Variants in MMP26 observed in about 807,000 individuals in gnomAD.
MMP26 encodes matrix metallopeptidase 26.
In MMP26, 33 loss-of-function variants were observed where a neutral mutation model predicts 31.0. The ratio of observed to expected loss-of-function variants is 1.06; its 90% CI spans 0.81 to 1.42. MMP26 has a LOEUF of 1.42. Among genes scored for constraint, MMP26 ranks in the 40% most tolerant of loss-of-function variants. The probability of loss-of-function intolerance (pLI) is 0.00; values close to 1 mark genes in which losing one functional copy is unlikely to be tolerated. For missense variants in MMP26, 347 were observed against 316.1 expected (o/e 1.10, Z -0.74); for synonymous variants, 122 against 114.9 (o/e 1.06, Z -0.40).
chr11:4,924,263 T>C (rs1252037325), intron 2 of MMP26: 3 of 1,614,168 alleles, frequency 1.9e-6, no homozygotes, highest in South Asian at 1.1e-5. Context: ...GATCCAGCCA[T>C]GGAGACCTTC....
rs112941014 is a variant in MMP26, at chr11:4,811,261, T to C, written c.-145+43920T>C. On this transcript the variant is annotated intron_variant, in intron 2 of 7. Transcript: ENST00000380390. Reference sequence around the variant, plus strand: ...CTATGCCAGTTTGTTACAGGGCAAATTGCATGTCACAGGGGTTTGGTGTAC... The same window carrying C: ...CTATGCCAGTTTGTTACAGGGCAAACTGCATGTCACAGGGGTTTGGTGTAC... Among the ~76,000 whole-genome samples the C allele has an allele frequency of 4.3e-3, 649 of 152,316 alleles. 8 individuals carry two copies. Among genetic ancestry groups the C allele is most frequent in the African/African-American group, 0.015 (607 of 41,574 alleles).
chr11:4,844,194 A>G (rs1030103157), intron 2 of MMP26, among the ~76,000 whole-genome samples: 1 of 152,192 alleles, frequency 6.6e-6, no homozygotes, highest in South Asian at 2.1e-4. Context: ...TCCTAGATGC[A>G]TACACCCTAC....
At chr11:4,769,087 C>A (rs748142807) in intron 2 of MMP26, 1 of 1,585,674 alleles carries the variant, frequency 6.3e-7, no homozygotes, top group Non-Finnish European at 8.6e-7. Context: ...CATTAGCCAT[C>A]ACTGAATGGA....
At chr11:4,732,006 A>G (rs969802825) in intron 1 of MMP26, among the ~76,000 whole-genome samples, 20 of 152,270 alleles carry the variant, frequency 1.3e-4, no homozygotes, top group African/African-American at 4.6e-4. Context: ...GAAACCACCC[A>G]CATTCATTCT....
At chr11:4,854,123 G>GCT (rs1037654120) in intron 2 of MMP26, among the ~76,000 whole-genome samples, 16 of 152,322 alleles carry the variant, frequency 1.1e-4, no homozygotes, top group Admixed American at 4.6e-4. Flanking sequence ...AATAGGAACA[G>GCT]CTCCAGTCTA....
chr11:4,924,689 A>C (rs1379160291), intron 2 of MMP26, among the ~76,000 whole-genome samples: 1 of 152,238 alleles, frequency 6.6e-6, no homozygotes, highest in Admixed American at 6.5e-5. Context: ...ATAGCAGGGC[A>C]GTTAAGCCAG....
At position 4,992,117 on chromosome 11, in the gene MMP26, A is replaced by G; in HGVS notation, c.749A>G (p.His250Arg). The change falls in exon 7 of 8, where the codon CAT (histidine) becomes CGT (arginine). Residue 250 changes from histidine (H) to arginine (R), a missense_variant. Transcript: ENST00000380390. ...LSADDIQRIQHLYGEKCSSDI... is the reference protein window; with the variant it reads ...LSADDIQRIQRLYGEKCSSDI... ...GCCGATGATATCCAAAGGATCCAGC[A>G]TTTGTATGGTCTGTGCTGCTTAAGG... The G allele has an allele frequency of 6.2e-7, 1 of 1,613,162 alleles. No individual in the cohort carries two copies. Among genetic ancestry groups the G allele is most frequent in the Non-Finnish European group, 8.5e-7 (1 of 1,179,734 alleles).
At chr11:4,726,318 C>T (rs1242568877) in intron 1 of MMP26, among the ~76,000 whole-genome samples, 1 of 151,890 alleles carries the variant, frequency 6.6e-6, no homozygotes, top group Non-Finnish European at 1.5e-5. Flanking sequence ...ACAAAATTAG[C>T]CAGGTGTGGT....
At chr11:4,873,805 T>G (rs1389304594) in intron 2 of MMP26, among the ~76,000 whole-genome samples, 1 of 152,084 alleles carries the variant, frequency 6.6e-6, no homozygotes, top group East Asian at 1.9e-4. Flanking sequence ...GTACTATTAT[T>G]TTTATTTTAA....
intron 2 of MMP26, among the ~76,000 whole-genome samples, chr11:4,928,413 C>G (rs918686382): frequency 6.6e-6 from 1 of 152,118 alleles, no homozygotes; most frequent in Non-Finnish European, 1.5e-5. Flanking sequence ...TTCATATCTT[C>G]AAATGGTTCA....
chr11:4,934,133 C>A (rs951073711), intron 2 of MMP26, among the ~76,000 whole-genome samples: 1 of 125,490 alleles, frequency 8.0e-6, no homozygotes, highest in African/African-American at 3.0e-5. Flanking sequence ...GTTCTAGATC[C>A]CTGAGGAATC....
chr11:4,738,031 T>C (rs1848265161), intron 1 of MMP26, among the ~76,000 whole-genome samples: 1 of 152,120 alleles, frequency 6.6e-6, no homozygotes, highest in African/African-American at 2.4e-5. Context: ...TGGCCTCAAG[T>C]GATGCTCTTG....
At chr11:4,735,524 A>C (rs1166116343) in intron 1 of MMP26, among the ~76,000 whole-genome samples, 1 of 152,168 alleles carries the variant, frequency 6.6e-6, no homozygotes, top group Non-Finnish European at 1.5e-5. Context: ...GCTGGATTTA[A>C]CATTTGTCTT....
Position 4,888,470 on chromosome 11 carries a change from C to T in MMP26, c.-144-99598C>T, listed in dbSNP as rs553355713. Among the ~76,000 whole-genome samples the T allele has an allele frequency of 1.4e-4, 21 of 152,132 alleles. No homozygotes were observed. In the East Asian group the frequency reaches 3.5e-3, roughly 25 times the overall value. ...TAATTTAAAATATCAAATGCCTAAA[C>T]AACCATTAAGAACCATTATTTTAGA... On this transcript the variant is annotated intron_variant, in intron 2 of 7. Transcript: ENST00000380390.
At chr11:4,774,784 C>A (rs1191020599) in intron 2 of MMP26, among the ~76,000 whole-genome samples, 2 of 151,954 alleles carry the variant, frequency 1.3e-5, no homozygotes, top group African/African-American at 4.8e-5. Flanking sequence ...GTCTTTAATC[C>A]ATCATGAGTT....
At chr11:4,942,844 T>C (rs1846234346) in intron 2 of MMP26, 1 of 152,216 alleles carries the variant, frequency 6.6e-6, no homozygotes, top group Non-Finnish European at 1.5e-5. Flanking sequence ...GGACTCAAAT[T>C]CTCAAGCAAG....
Position 4,816,513 on chromosome 11 carries a change from T to TTAAAAAA in MMP26, c.-145+49172_-145+49173insTAAAAAA, listed in dbSNP as rs375968187. ...CTCTTTAAGTCATTTGTGAGATAAT[T>TTAAAAAA]AAAAAAAAAAGCTTTTCTTTATCCT... On this transcript the variant is annotated intron_variant, in intron 2 of 7. Transcript: ENST00000380390. 6.8e-4 allele frequency among the ~76,000 whole-genome samples: 99 copies of TTAAAAAA among 146,552 alleles called. 1 individual carries two copies. The highest frequency in any genetic ancestry group is 2.2e-3 in the African/African-American group (86 of 39,796).
chr11:4,796,706 G>C (rs1202974609), intron 2 of MMP26, among the ~76,000 whole-genome samples: 2 of 152,110 alleles, frequency 1.3e-5, no homozygotes, highest in African/African-American at 4.8e-5. Flanking sequence ...GGAAGGGTGG[G>C]AATTTCTCCA....
chr11:4,902,792 C>T (rs1392269175), intron 2 of MMP26, among the ~76,000 whole-genome samples: 1 of 152,120 alleles, frequency 6.6e-6, no homozygotes, highest in Non-Finnish European at 1.5e-5. Context: ...GGGAGTTGAT[C>T]GTCTTCTCCA....
Sources: allele counts gnomAD v4.1 joint callset (sites outside exome capture counted in the v4.1 genomes callset), GRCh38; gene constraint gnomAD v4.1.1; transcripts MANE v1.5; gene names NCBI Gene and HGNC (gene_info 2026-07-23, HGNC 2026-07-21).